TTC39C: variants seen among roughly 807,000 people sequenced by gnomAD.
TTC39C encodes the protein tetratricopeptide repeat protein 39C.
TTC39C carries 33 observed loss-of-function variants against 76.3 expected under a neutral mutation model. The observed-to-expected ratio is 0.43, with a 90% CI of 0.33 to 0.58. The LOEUF (loss-of-function observed/expected upper bound fraction) is 0.58. Among genes scored for constraint, TTC39C ranks in the 20% least tolerant of loss-of-function variants. TTC39C has a pLI of 0.04. For synonymous variants in TTC39C, 254 were observed against 260.6 expected (o/e 0.97, Z 0.24); for missense variants, 595 against 701.4 (o/e 0.85, Z 1.71).
chr18:24,115,884 T>C (rs1016937122), intron 7 of TTC39C, among the ~76,000 whole-genome samples: 1 of 152,264 alleles, frequency 6.6e-6, no homozygotes, highest in African/African-American at 2.4e-5. Context: ...GAATGAAATG[T>C]GCTTCAAAGA....
rs558283896 is a variant in TTC39C, at chr18:24,005,321, C to A, written c.-17+12283C>A. Among the ~76,000 whole-genome samples, 4 of 152,246 alleles carry A rather than the reference C, an allele frequency of 2.6e-5. No homozygotes were observed. In the East Asian group the frequency reaches 5.8e-4, roughly 22 times the overall value. The stretch of plus-strand genomic sequence containing the variant: ...TAAAGTCTTAACCCAGCACCCAGCA[C>A]GTAGTGATGCTAGCCAGCAGTCATT... On this transcript the variant is annotated intron_variant, in intron 1 of 13. Coordinates refer to the TTC39C transcript ENST00000304621.
intron 5 of TTC39C, among the ~76,000 whole-genome samples, chr18:24,082,015 GTTTTTTTT>G (rs35218868): frequency 5.0e-5 from 6 of 120,800 alleles, no homozygotes; most frequent in African/African-American, 1.9e-4. Flanking sequence ...TCTGGCTGTT[GTTTTTTTT>G]TTTTTTTTTT....
At chr18:24,054,285 T>G (rs988666436) in intron 1 of TTC39C, among the ~76,000 whole-genome samples, 4 of 152,188 alleles carry the variant, frequency 2.6e-5, no homozygotes, top group Admixed American at 1.3e-4. Context: ...GGCTGTCTTG[T>G]ATTGAATCGC....
intron 6 of TTC39C, among the ~76,000 whole-genome samples, chr18:24,090,856 G>T (rs1469599328): frequency 2.2e-5 from 3 of 138,484 alleles, no homozygotes; most frequent in Non-Finnish European, 4.5e-5. Context: ...ACCCAGGCTG[G>T]AGTGCAGTGG....
At chr18:24,046,485 A>G (rs2083886880) in intron 1 of TTC39C, among the ~76,000 whole-genome samples, 1 of 151,880 alleles carries the variant, frequency 6.6e-6, no homozygotes, top group Non-Finnish European at 1.5e-5. Flanking sequence ...GTCCAGGATC[A>G]ACTTGAGATT....
At chr18:24,077,480 G>A (rs2084321544) in intron 4 of TTC39C, among the ~76,000 whole-genome samples, 1 of 152,188 alleles carries the variant, frequency 6.6e-6, no homozygotes, top group Non-Finnish European at 1.5e-5. Context: ...CACTCTTTCT[G>A]TATGTGACCC....
chr18:24,093,351 C>T (rs1409057007), intron 6 of TTC39C, among the ~76,000 whole-genome samples: 2 of 151,906 alleles, frequency 1.3e-5, no homozygotes, highest in Non-Finnish European at 2.9e-5. Context: ...TGGTGGCGGG[C>T]GCCTGTAGTC....
At chr18:24,017,570 G>C (rs1012213352) in intron 1 of TTC39C, among the ~76,000 whole-genome samples, 1 of 152,208 alleles carries the variant, frequency 6.6e-6, no homozygotes, top group African/African-American at 2.4e-5. Context: ...CCTGTGTGCA[G>C]GTAGCTTTTC....
intron 1 of TTC39C, chr18:24,020,183 T>C (rs2083502062): frequency 8.6e-7 from 1 of 1,163,138 alleles, no homozygotes. Context: ...TCTGTTGACT[T>C]TTTCCATCCT....
At chr18:24,055,826 C>T (rs978999105) in intron 1 of TTC39C, among the ~76,000 whole-genome samples, 4 of 152,126 alleles carry the variant, frequency 2.6e-5, no homozygotes, top group African/African-American at 9.7e-5. Context: ...TGTCATAAAG[C>T]TTTTTTCCAA....
At chr18:24,113,972 T>C in intron 6 of TTC39C, 1 of 411,456 alleles carries the variant, frequency 2.4e-6, no homozygotes, top group East Asian at 5.6e-5. Flanking sequence ...AGAACAGCAT[T>C]CTAGGGTATA....
chr18:24,107,898 G>GGA (rs35309674), intron 6 of TTC39C, among the ~76,000 whole-genome samples: 4 of 151,684 alleles, frequency 2.6e-5, no homozygotes, highest in Admixed American at 1.3e-4. Flanking sequence ...AGGGGGGGGG[G>GGA]TACAGGCATG....
intron 1 of TTC39C, among the ~76,000 whole-genome samples, chr18:24,021,811 T>C (rs1259508957): frequency 6.6e-6 from 1 of 152,200 alleles, no homozygotes; most frequent in East Asian, 1.9e-4. Context: ...TACCCCTGTC[T>C]TACAGGAAAA....
rs750700360 is a variant in TTC39C, at chr18:24,132,565, T to C, written c.1743T>C (p.Val581=). 1.9e-6 allele frequency: 3 copies of C among 1,613,472 alleles called. No homozygotes were observed. Among genetic ancestry groups the C allele is most frequent in the Admixed American group, 1.7e-5 (1 of 59,950 alleles). ...CTCTGGCCTCTCTGAGGGAATTGGT[T>C]CCTCAGTGACAGACCCGGAACACCC... The part of the protein sequence containing the change: ...HAALASLREL[V]PQ The change falls in exon 14 of 14, where the codon GTT becomes GTC. Residue 581 remains valine, a synonymous_variant. Transcript: ENST00000317571.
intron 1 of TTC39C, among the ~76,000 whole-genome samples, chr18:24,056,089 C>CT (rs1394102267): frequency 6.6e-6 from 1 of 152,156 alleles, no homozygotes; most frequent in Non-Finnish European, 1.5e-5. Context: ...CAGTGTTGTC[C>CT]TTTTTGCTAA....
At chr18:24,107,634 T>A (rs1297998318) in intron 6 of TTC39C, among the ~76,000 whole-genome samples, 1 of 152,246 alleles carries the variant, frequency 6.6e-6, no homozygotes, top group Non-Finnish European at 1.5e-5. Context: ...TCCTTCGCCT[T>A]CTGCCATGAT....
intron 8 of TTC39C, chr18:24,120,988 T>C (rs1468750485): frequency 6.6e-6 from 1 of 152,242 alleles, no homozygotes; most frequent in Non-Finnish European, 1.5e-5. Context: ...TGTGGAGTGC[T>C]TACCTGGAAC....
At chr18:24,018,128 G>A (rs72877849) in intron 1 of TTC39C, among the ~76,000 whole-genome samples, 4,067 of 152,312 alleles carry the variant, frequency 0.027, 76 homozygotes, top group Non-Finnish European at 0.042. Context: ...GTTGGGATTT[G>A]AAACTGTAGC....
chr18:24,116,207 A>T (rs745314946), intron 7 of TTC39C, among the ~76,000 whole-genome samples: 1 of 152,092 alleles, frequency 6.6e-6, no homozygotes, highest in Admixed American at 6.5e-5. Context: ...TCTATTTTGT[A>T]TTTAATTCCA....
Sources: gnomAD v4.1 joint callset for allele counts (sites outside exome capture counted in the v4.1 genomes callset) on GRCh38, gnomAD v4.1.1 for gene constraint, MANE v1.5 for transcripts, NCBI Gene and HGNC (gene_info 2026-07-23, HGNC 2026-07-21) for gene names.